Variants in RB1CC1 observed in about 807,000 individuals in gnomAD.
The protein encoded by RB1CC1 is RB1-inducible coiled-coil protein 1.
In RB1CC1, 46 loss-of-function variants were observed where a neutral mutation model predicts 177.5. That is an observed-to-expected ratio of 0.26 (90% confidence interval 0.20 to 0.33). The LOEUF is 0.33. Among genes scored for constraint, RB1CC1 ranks in the 10% least tolerant of loss-of-function variants. The probability of loss-of-function intolerance (pLI) is 1.00; values close to 1 mark genes in which losing one functional copy is unlikely to be tolerated. For missense variants in RB1CC1, 1,703 were observed against 1,816.3 expected, an observed-to-expected ratio of 0.94 and a Z score of 1.13; for synonymous variants, 666 against 613.6, an observed-to-expected ratio of 1.09 and a Z score of -1.26.
chr8:52,696,288 C>T (rs770190884), intron 1 of RB1CC1, among the ~76,000 whole-genome samples: 6 of 151,616 alleles, frequency 4.0e-5, no homozygotes, highest in East Asian at 1.9e-4. Context: ...ATGATCCACC[C>T]GCCTCGGCCT....
chr8:52,674,319 A>C (rs1357760319), intron 6 of RB1CC1, 45 bp from the exon 7 acceptor site: 2 of 1,449,556 alleles, frequency 1.4e-6, no homozygotes, highest in African/African-American at 2.8e-5. Context: ...AGACTGCTCT[A>C]ATTAGGAATT....
chr8:52,682,772 T>C lies in RB1CC1; in HGVS notation c.369+777A>G, dbSNP rs555904250. ...CATAAGTATATTTTTTAAAATTTTGTCCTCTCAAAGCACTTTTGGACTCTC... is the reference window on the plus strand; with the variant it reads ...CATAAGTATATTTTTTAAAATTTTGCCCTCTCAAAGCACTTTTGGACTCTC... On this transcript the variant is annotated intron_variant, in intron 5 of 23. Coordinates refer to ENST00000025008, the MANE Select transcript of RB1CC1 (RefSeq NM_014781.5). Among the ~76,000 whole-genome samples, 8 of 152,332 alleles carry C rather than the reference T, an allele frequency of 5.3e-5. No individual in the cohort carries two copies. In the East Asian group the frequency reaches 1.2e-3, roughly 22 times the overall value.
chr8:52,703,330 A>T (rs1338077330), intron 1 of RB1CC1, among the ~76,000 whole-genome samples: 2 of 152,156 alleles, frequency 1.3e-5, no homozygotes, highest in Non-Finnish European at 2.9e-5. Context: ...ATCTCAGATG[A>T]CACCACCAAC....
intron 15 of RB1CC1, among the ~76,000 whole-genome samples, chr8:52,650,060 G>C (rs562836794): frequency 6.6e-6 from 1 of 152,130 alleles, no homozygotes; most frequent in African/African-American, 2.4e-5. Flanking sequence ...GGGAGCTACA[G>C]ACATAGCTAA....
At position 52,657,345 on chromosome 8, in the gene RB1CC1, T is replaced by C; in HGVS notation, c.2484A>G (p.Lys828=). ...DLCHFRTFVQ[K]EQCDFSNSLK... is the part of the protein sequence containing the mutation. Reference sequence around the variant, plus strand: ...ATGAATTTGAGAAGTCACACTGTTCTTTTTGTACAAATGTTCTAAAGTGGC... The same window carrying C: ...ATGAATTTGAGAAGTCACACTGTTCCTTTTGTACAAATGTTCTAAAGTGGC... The change falls in exon 15 of 24, where the codon AAA becomes AAG. Residue 828 remains lysine, a synonymous_variant. Coordinates refer to ENST00000025008, the MANE Select transcript of RB1CC1 (RefSeq NM_014781.5). 1 of 1,613,974 alleles carries C rather than the reference T, an allele frequency of 6.2e-7. No individual in the cohort carries two copies. The highest frequency in any genetic ancestry group is 8.5e-7 in the Non-Finnish European group (1 of 1,179,926).
intron 1 of RB1CC1, among the ~76,000 whole-genome samples, chr8:52,697,709 G>GT (rs1855565255): frequency 6.6e-6 from 1 of 152,186 alleles, no homozygotes; most frequent in Non-Finnish European, 1.5e-5. Flanking sequence ...TAGGTTCACT[G>GT]TAACATTCTC....
In RB1CC1 at chr8:52,623,614, T is replaced by G. The variant is rs1222792425; in HGVS notation, c.*168A>C. ...CAGCCAAGGATTCTGATGAATTTAT[T>G]ATTCCTAAAATGAAGCCAGTTAAAA... On this transcript the variant is annotated 3_prime_UTR_variant, in exon 24 of 24. Coordinates refer to ENST00000025008, the MANE Select transcript of RB1CC1 (RefSeq NM_014781.5). The G allele has an allele frequency of 1.5e-6, 1 of 658,438 alleles. No homozygotes were observed. The highest frequency in any genetic ancestry group is 2.8e-6 in the Non-Finnish European group (1 of 356,986). 40.8% of individuals were successfully genotyped at this position (658,438 alleles called of 1,614,324 possible).
At chr8:52,711,116 A>G (rs1237897918) in intron 1 of RB1CC1, among the ~76,000 whole-genome samples, 1 of 152,190 alleles carries the variant, frequency 6.6e-6, no homozygotes, top group Non-Finnish European at 1.5e-5. Flanking sequence ...ATGGATGAAA[A>G]AAAATGGGCG....
intron 5 of RB1CC1, among the ~76,000 whole-genome samples, chr8:52,677,119 G>A (rs1449485870): frequency 6.6e-6 from 1 of 152,166 alleles, no homozygotes; most frequent in African/African-American, 2.4e-5. Flanking sequence ...AGGCAGCAAT[G>A]TAGATTGCTT....
At position 52,695,943 on chromosome 8, in the gene RB1CC1, T is replaced by C. The variant is rs529537986; in HGVS notation, c.-166-8976A>G. Among the ~76,000 whole-genome samples, 10 of 152,350 alleles carry C rather than the reference T, an allele frequency of 6.6e-5. 1 individual carries two copies. The South Asian group carries it at 1.9e-3, about 28-fold the overall frequency. ...GCTGGTTTGAAGTGAGGGTGGGTTCTGGGCACCGCCAAACTTGCCACTAGT... is the reference window on the plus strand; with the variant it reads ...GCTGGTTTGAAGTGAGGGTGGGTTCCGGGCACCGCCAAACTTGCCACTAGT... On this transcript the variant is annotated intron_variant, in intron 1 of 23. Transcript: ENST00000025008.
chr8:52,713,711 G>A (rs944339451), intron 1 of RB1CC1, among the ~76,000 whole-genome samples: 5 of 152,224 alleles, frequency 3.3e-5, no homozygotes, highest in Non-Finnish European at 7.3e-5. Context: ...CTCGCCCTCG[G>A]CCACTCCGGC....
chr8:52,636,048 AGAC>A lies in RB1CC1; in HGVS notation c.4356_4358del (p.Leu1452_Ser1453delinsPhe). On this transcript the variant is annotated inframe_deletion, in exon 19 of 24. Transcript: ENST00000025008. ...ACAGCATTATCCGCTGTTTTTCTTCAGACAACATATGAATATTTTCTCTAAAAG... is the reference window on the plus strand; with the variant it reads ...ACAGCATTATCCGCTGTTTTTCTTCAAACATATGAATATTTTCTCTAAAAG... The A allele has an allele frequency of 1.9e-6, 3 of 1,607,168 alleles. No individual in the cohort carries two copies. The highest frequency in any genetic ancestry group is 2.5e-6 in the Non-Finnish European group (3 of 1,178,076).
intron 18 of RB1CC1, among the ~76,000 whole-genome samples, chr8:52,638,393 TTG>T (rs910869134): frequency 6.6e-6 from 1 of 152,172 alleles, no homozygotes; most frequent in African/African-American, 2.4e-5. Flanking sequence ...CCGATAATAT[TTG>T]TGTCAATAGT....
Position 52,707,547 on chromosome 8 carries a change from A to G in RB1CC1, c.-167+6528T>C, listed in dbSNP as rs1210848749. ...TTCTAATCCAACCCCTCATTTTCCA[A>G]TGACATAACCCTTACTTAGGAAACT... On this transcript the variant is annotated intron_variant, in intron 1 of 23. Transcript: ENST00000025008. Among the ~76,000 whole-genome samples, 7 of 150,378 alleles carry G rather than the reference A, an allele frequency of 4.7e-5. No homozygotes were observed. The East Asian group carries it at 1.4e-3, about 30-fold the overall frequency.
intron 22 of RB1CC1, among the ~76,000 whole-genome samples, chr8:52,625,807 A>G (rs1848347928): frequency 6.6e-6 from 1 of 152,218 alleles, no homozygotes. Context: ...TATCACTTTC[A>G]CACCATGGTA....
Position 52,656,388 on chromosome 8 carries a change from T to C in RB1CC1, c.3441A>G (p.Glu1147=). Residue 1147 remains glutamate (E), a synonymous_variant, in exon 15 of 24, where the codon GAA becomes GAG. Transcript: ENST00000025008. The part of the protein sequence containing the change: ...ISELISRHEE[E]SNILKAELNK... ...TTAATTCAGCTTTAAGTATATTAGA[T>C]TCTTCTTCATGTCTACTAATTAACT... 6.2e-7 allele frequency: 1 copy of C among 1,610,670 alleles called. No individual in the cohort carries two copies. Among genetic ancestry groups the C allele is most frequent in the South Asian group, 1.1e-5 (1 of 90,696 alleles).
In RB1CC1 at chr8:52,656,902, A is replaced by C. The variant is rs1366721815; in HGVS notation, c.2927T>G (p.Leu976Trp). 1.6e-5 allele frequency: 26 copies of C among 1,613,134 alleles called. No individual in the cohort carries two copies. The highest frequency in any genetic ancestry group is 1.9e-5 in the Non-Finnish European group (23 of 1,179,940). ...HVENDEKLQL[L>W]RAELQSLEQS... ...CTCCAAGGACTGAAGTTCTGCCCTC[A>C]ATAACTGTAACTTCTCATCATTTTC... The change falls in exon 15 of 24, where the codon TTG (leucine) becomes TGG (tryptophan). Residue 976 changes from leucine to tryptophan, a missense_variant. Around this residue, in one of 6 missense-constraint regions of RB1CC1, gnomAD observed 1,169 missense variants for 1,184.7 expected, o/e 0.99. Transcript: ENST00000025008.
In RB1CC1 at chr8:52,698,329, C is replaced by CT. The variant is rs34458135; in HGVS notation, c.-166-11363dup. ...GAAATTTTAAAATATGAGAGAATAA[C>CT]TTTTTTTTTTTTACACGGAGTCTCG... On this transcript the variant is annotated intron_variant, in intron 1 of 23. Coordinates refer to ENST00000025008, the MANE Select transcript of RB1CC1 (RefSeq NM_014781.5). Among the ~76,000 whole-genome samples the CT allele has an allele frequency of 2.4e-3, 347 of 146,526 alleles. 2 individuals are homozygous for CT. The highest frequency in any genetic ancestry group is 6.1e-3 in the African/African-American group (247 of 40,212).
chr8:52,668,622 G>T (rs542837136), intron 7 of RB1CC1, among the ~76,000 whole-genome samples: 2 of 152,128 alleles, frequency 1.3e-5, no homozygotes, highest in African/African-American at 2.4e-5. Flanking sequence ...TCTCCTCAAC[G>T]AATCGGCTTG....
Sources: gnomAD v4.1 joint callset for allele counts (sites outside exome capture counted in the v4.1 genomes callset) on GRCh38, gnomAD v4.1.1 for gene constraint, gnomAD v4.1.1 regional missense constraint, MANE v1.5 for transcripts, NCBI Gene and HGNC (gene_info 2026-07-23, HGNC 2026-07-21) for gene names.